S100Z: variants seen among roughly 807,000 people sequenced by gnomAD.
The protein encoded by S100Z is S100 calcium binding protein Z.
A neutral mutation model predicts 8.5 loss-of-function variants in S100Z; 11 were observed. That is an observed-to-expected ratio of 1.30 (90% CI 0.82 to 2.15). S100Z has a LOEUF of 2.15. Ranked by LOEUF, S100Z falls within the 30% of genes most tolerant of loss-of-function variation. S100Z has a pLI of 0.00. For synonymous variants in S100Z, 34 were observed against 43.8 expected, an observed-to-expected ratio of 0.78 and a Z score of 0.89; for missense variants, 126 against 117.9, an observed-to-expected ratio of 1.07 and a Z score of -0.32.
At chr5:76,875,112 C>G (rs527962748) in intron 2 of S100Z, among the ~76,000 whole-genome samples, 192 bp from the exon 3 acceptor site, 2 of 152,070 alleles carry the variant, frequency 1.3e-5, no homozygotes, top group Non-Finnish European at 2.9e-5. Context: ...AGGATGGTCT[C>G]GATCTTCTGA....
At chr5:76,870,705 C>T (rs1040603351) in intron 2 of S100Z, among the ~76,000 whole-genome samples, 15 of 151,904 alleles carry the variant, frequency 9.9e-5, no homozygotes, top group South Asian at 4.2e-4. Context: ...ATAGATGGTT[C>T]TGGAGCTTAG....
intron 4 of S100Z, among the ~76,000 whole-genome samples, chr5:76,881,684 C>A (rs1461134814): frequency 6.6e-6 from 1 of 152,130 alleles, no homozygotes; most frequent in Non-Finnish European, 1.5e-5. Flanking sequence ...TTCCTTGGTC[C>A]AAGAACCATT....
intron 4 of S100Z, among the ~76,000 whole-genome samples, chr5:76,911,900 A>G (rs1194268476): frequency 2.0e-5 from 3 of 152,058 alleles, no homozygotes; most frequent in African/African-American, 7.2e-5. Context: ...CTGACTATGG[A>G]TCCCTGGATA....
At chr5:76,907,684 G>A (rs1050188568) in intron 4 of S100Z, among the ~76,000 whole-genome samples, 1 of 152,118 alleles carries the variant, frequency 6.6e-6, no homozygotes, top group African/African-American at 2.4e-5. Context: ...TGCTATTCTA[G>A]TTTACTTTAT....
chr5:76,950,794 G>A, the S100Z span, among the ~76,000 whole-genome samples: 11,742 of 152,086 alleles, frequency 0.077, 722 homozygotes, highest in African/African-American at 0.17. Flanking sequence ...CTAATTGTTT[G>A]AATGACCAAA....
rs775761857 is a variant in S100Z, at chr5:76,887,100, C to CTTTT, written c.*2+9277_*2+9280dup. ...AGCCTATCTTTCTTTCTTTTCTTTT[C>CTTTT]TTTTTTTTTTTTTTCGAGACAGAGT... is the stretch of plus-strand genomic sequence containing the variant. On this transcript the variant is annotated intron_variant, in intron 4 of 4. Coordinates refer to ENST00000317593, the MANE Select transcript of S100Z (RefSeq NM_130772.4). Among the ~76,000 whole-genome samples the CTTTT allele has an allele frequency of 4.3e-5, 6 of 140,290 alleles. No individual in the cohort carries two copies. In the South Asian group the frequency reaches 1.4e-3, roughly 32 times the overall value. 92.0% of individuals were successfully genotyped at this position (140,290 alleles called of 152,430 possible).
At chr5:76,891,659 T>C (rs1743862942) in intron 4 of S100Z, among the ~76,000 whole-genome samples, 1 of 152,112 alleles carries the variant, frequency 6.6e-6, no homozygotes, top group African/African-American at 2.4e-5. Flanking sequence ...AATGGAAGTA[T>C]GGAGGAGTCG....
the S100Z span, among the ~76,000 whole-genome samples, chr5:76,943,457 A>G: frequency 1.9e-4 from 29 of 152,338 alleles, no homozygotes; most frequent in African/African-American, 7.0e-4. Context: ...AAGAGTGTCA[A>G]AGAATTTGCA....
downstream of S100Z, among the ~76,000 whole-genome samples, chr5:76,922,787 T>C (rs1745071751): frequency 6.6e-6 from 1 of 152,216 alleles, no homozygotes; most frequent in African/African-American, 2.4e-5. Flanking sequence ...CCTCCCAAAG[T>C]GCTGGGATTA....
intron 4 of S100Z, among the ~76,000 whole-genome samples, chr5:76,885,440 T>C (rs1580023737): frequency 2.5e-5 from 1 of 39,362 alleles, no homozygotes; most frequent in Non-Finnish European, 4.3e-5. Flanking sequence ...GGGTGGGAGG[T>C]GCTTGTCCCC....
chr5:76,906,976 GTATATA>G (rs869046562), intron 4 of S100Z, among the ~76,000 whole-genome samples: 2,390 of 20,568 alleles, frequency 0.12, 37 homozygotes, highest in Non-Finnish European at 0.16. Flanking sequence ...TTGTGTGTGT[GTATATA>G]TATATATATA....
intron 1 of S100Z, among the ~76,000 whole-genome samples, chr5:76,863,746 G>A (rs946865269): frequency 6.6e-6 from 1 of 152,010 alleles, no homozygotes; most frequent in East Asian, 1.9e-4. Flanking sequence ...CACCGTGTTA[G>A]CCAGGATGGT....
At chr5:76,859,514 C>T (rs754623298) in intron 1 of S100Z, among the ~76,000 whole-genome samples, 3 of 152,120 alleles carry the variant, frequency 2.0e-5, no homozygotes, top group Non-Finnish European at 2.9e-5. Flanking sequence ...GGGGCAGTGG[C>T]TCACGTCTGT....
At chr5:76,949,266 G>A in the S100Z span, among the ~76,000 whole-genome samples, 1 of 152,088 alleles carries the variant, frequency 6.6e-6, no homozygotes, top group Non-Finnish European at 1.5e-5. Context: ...GCAGGCGCCT[G>A]TAGTACCAGC....
intron 4 of S100Z, among the ~76,000 whole-genome samples, chr5:76,884,253 A>G (rs1561235334): frequency 2.0e-5 from 3 of 152,188 alleles, no homozygotes; most frequent in Non-Finnish European, 4.4e-5. Flanking sequence ...TAAGTTTGTC[A>G]TAACAGCTTT....
At chr5:76,942,882 G>A in the S100Z span, among the ~76,000 whole-genome samples, 53 of 152,190 alleles carry the variant, frequency 3.5e-4, 1 homozygote, top group Non-Finnish European at 5.9e-4. Flanking sequence ...GAAATGGAAA[G>A]GGCCTGTATT....
At chr5:76,903,633 T>C (rs915313469) in intron 4 of S100Z, among the ~76,000 whole-genome samples, 1 of 152,192 alleles carries the variant, frequency 6.6e-6, no homozygotes, top group African/African-American at 2.4e-5. Context: ...GTGTAAAGTG[T>C]TATCTCATTG....
chr5:76,896,080 T>C (rs1744028123), intron 4 of S100Z, among the ~76,000 whole-genome samples: 1 of 152,090 alleles, frequency 6.6e-6, no homozygotes, highest in Non-Finnish European at 1.5e-5. Flanking sequence ...GTTATTTTAT[T>C]ATTGACTATA....
intron 4 of S100Z, among the ~76,000 whole-genome samples, chr5:76,890,727 G>A (rs1743829514): frequency 1.3e-5 from 2 of 152,188 alleles, no homozygotes; most frequent in Non-Finnish European, 2.9e-5. Context: ...GGTGTGGGGT[G>A]TCCAAGGGCA....
Sources: gnomAD v4.1 joint callset for allele counts (sites outside exome capture counted in the v4.1 genomes callset) on GRCh38, gnomAD v4.1.1 for gene constraint, MANE v1.5 for transcripts, NCBI Gene and HGNC (gene_info 2026-07-23, HGNC 2026-07-21) for gene names.